Variants in CTNNBIP1 observed in about 807,000 individuals in gnomAD.
CTNNBIP1 encodes catenin beta interacting protein 1, also known as beta-catenin-interacting protein 1.
In CTNNBIP1, 7 loss-of-function variants were observed where a neutral mutation model predicts 11.8. The ratio of observed to expected loss-of-function variants is 0.60; its 90% CI spans 0.34 to 1.12. The LOEUF is 1.12. Ranked by LOEUF, CTNNBIP1 falls within the 50% of genes most tolerant of loss-of-function variation. The pLI is 0.03. For missense variants in CTNNBIP1, 101 were observed against 113.4 expected, an observed-to-expected ratio of 0.89 and a Z score of 0.50; for synonymous variants, 58 against 43.9, an observed-to-expected ratio of 1.32 and a Z score of -1.26.
At chr1:9,906,184 C>G (rs1422385641) in intron 1 of CTNNBIP1, among the ~76,000 whole-genome samples, 1 of 152,210 alleles carries the variant, frequency 6.6e-6, no homozygotes, top group African/African-American at 2.4e-5. Flanking sequence ...AAGTTACCTG[C>G]TGAAGATCAT....
rs1309602863 is a variant in CTNNBIP1, at chr1:9,883,155, C to T, written c.-110+550G>A. Among the ~76,000 whole-genome samples, 1 of 152,140 alleles carries T rather than the reference C, an allele frequency of 6.6e-6. No individual in the cohort carries two copies. Among genetic ancestry groups the T allele is most frequent in the Non-Finnish European group, 1.5e-5 (1 of 68,016 alleles). On this transcript the variant is annotated intron_variant, in intron 2 of 5. Coordinates refer to ENST00000377263, the MANE Select transcript of CTNNBIP1 (RefSeq NM_020248.3). This position sits in a 1 kb window ranked among gnomAD's most constrained non-coding sequence, Gnocchi z 5.6. The stretch of plus-strand genomic sequence containing the variant: ...TAGGTCAGGGACCGGGGGAGCCTCT[C>T]TCTGGAAGGAAGTCCAACCTGCCAA...
chr1:9,888,452 T>A (rs1639230049), intron 1 of CTNNBIP1, among the ~76,000 whole-genome samples: 1 of 151,160 alleles, frequency 6.6e-6, no homozygotes, highest in Non-Finnish European at 1.5e-5. Context: ...GGTGTGAGGC[T>A]GAGGCAGGAG....
At chr1:9,875,569 T>C (rs1402140765) in intron 3 of CTNNBIP1, among the ~76,000 whole-genome samples, 1 of 152,214 alleles carries the variant, frequency 6.6e-6, no homozygotes, top group Non-Finnish European at 1.5e-5. Context: ...GCCTGCGGTG[T>C]CGTCTGCGCC....
chr1:9,889,770 A>G (rs993544200), intron 1 of CTNNBIP1, among the ~76,000 whole-genome samples: 1 of 152,244 alleles, frequency 6.6e-6, no homozygotes, highest in Non-Finnish European at 1.5e-5. Flanking sequence ...GAGACATACT[A>G]AAACAAACCC....
chr1:9,894,475 C>A (rs886331578), intron 1 of CTNNBIP1, among the ~76,000 whole-genome samples: 11 of 152,020 alleles, frequency 7.2e-5, no homozygotes, highest in Admixed American at 2.0e-4. Context: ...CCCCCCTCAG[C>A]CTCCTGAGTA....
Position 9,883,821 on chromosome 1 carries a change from G to C in CTNNBIP1, c.-143-83C>G, listed in dbSNP as rs1207908766. 6.5e-6 allele frequency: 1 copy of C among 153,180 alleles called. No individual in the cohort carries two copies. The highest frequency in any genetic ancestry group is 2.4e-5 in the African/African-American group (1 of 41,460). The allele number at this position is 153,180 out of a possible 1,614,324, so 9.5% of individuals were successfully genotyped here. ...CCCACTTGCTCTGCCTGAGAGCTGT[G>C]CTCAGCCTCAGGTGAGTCTTAACCT... On this transcript the variant is annotated intron_variant, in intron 1 of 5. Transcript: ENST00000377263. The surrounding 1 kb of genome is among the most constrained non-coding windows in gnomAD (Gnocchi z 5.6).
chr1:9,861,298 C>T (rs1436483718), intron 5 of CTNNBIP1, among the ~76,000 whole-genome samples: 1 of 152,228 alleles, frequency 6.6e-6, no homozygotes, highest in African/African-American at 2.4e-5. Context: ...CAAAGGGAAG[C>T]ATTTCTGAAG....
intron 5 of CTNNBIP1, among the ~76,000 whole-genome samples, chr1:9,863,179 C>T (rs1390308167): frequency 2.0e-5 from 3 of 152,198 alleles, no homozygotes; most frequent in Non-Finnish European, 2.9e-5. Flanking sequence ...GCACATTCCT[C>T]GCTTTTCTTG....
At chr1:9,896,199 G>A (rs1570596151) in intron 1 of CTNNBIP1, among the ~76,000 whole-genome samples, 1 of 152,282 alleles carries the variant, frequency 6.6e-6, no homozygotes, top group Non-Finnish European at 1.5e-5. Flanking sequence ...TTGGCCAATT[G>A]TTCCTTAAAC....
At chr1:9,888,950 C>T (rs1046139724) in intron 1 of CTNNBIP1, among the ~76,000 whole-genome samples, 1 of 152,218 alleles carries the variant, frequency 6.6e-6, no homozygotes, top group Non-Finnish European at 1.5e-5. Flanking sequence ...GAATGCAATG[C>T]TGCACCCAGC....
intron 5 of CTNNBIP1, among the ~76,000 whole-genome samples, chr1:9,861,835 G>A (rs1040303771): frequency 1.3e-5 from 2 of 152,226 alleles, no homozygotes; most frequent in Non-Finnish European, 2.9e-5. Flanking sequence ...GTGTATCCCA[G>A]GGGGAAGTCC....
In CTNNBIP1 at chr1:9,908,414, C is replaced by T. The variant is rs556837786; in HGVS notation, c.-144+1681G>A. On this transcript the variant is annotated intron_variant, in intron 1 of 5. Transcript: ENST00000377263. ...TTTGAGACGGAGTCTCGCTCTGTCG[C>T]CCAGACTGGAGTGCAGTGGCGTGAC... Among the ~76,000 whole-genome samples the T allele has an allele frequency of 3.4e-5, 5 of 149,144 alleles. No homozygotes were observed. The East Asian group carries it at 7.8e-4, about 23-fold the overall frequency.
intron 1 of CTNNBIP1, among the ~76,000 whole-genome samples, chr1:9,906,232 G>A (rs1639616961): frequency 6.6e-6 from 1 of 152,150 alleles, no homozygotes; most frequent in African/African-American, 2.4e-5. Flanking sequence ...CAAACCTGAT[G>A]GTCTTGGTAC....
At chr1:9,898,941 A>AT (rs1463573610) in intron 1 of CTNNBIP1, among the ~76,000 whole-genome samples, 1 of 152,196 alleles carries the variant, frequency 6.6e-6, no homozygotes, top group South Asian at 2.1e-4. Context: ...TTCCCTGAAT[A>AT]TTTTTTGAAT....
chr1:9,901,234 T>C (rs186347455), intron 1 of CTNNBIP1, among the ~76,000 whole-genome samples: 108 of 152,342 alleles, frequency 7.1e-4, no homozygotes, highest in African/African-American at 2.2e-3. Context: ...TTAGGATATT[T>C]GGCAAGGGTG....
chr1:9,850,150 G>A lies in CTNNBIP1; in HGVS notation c.*568C>T, dbSNP rs1301578914. On this transcript the variant is annotated 3_prime_UTR_variant, in exon 6 of 6. Coordinates refer to ENST00000377263, the MANE Select transcript of CTNNBIP1 (RefSeq NM_020248.3). ...TTCTTTGTGTAATAAATATTGCAAA[G>A]CGCACTTGGTTTCTTTCTTTTCAAG... The A allele has an allele frequency of 1.3e-5, 2 of 152,740 alleles. No individual in the cohort carries two copies. The highest frequency in any genetic ancestry group is 4.8e-5 in the African/African-American group (2 of 41,444). 9.5% of individuals were successfully genotyped at this position (152,740 alleles called of 1,614,324 possible).
At chr1:9,909,675 TTCAA>T (rs1445228452) in intron 1 of CTNNBIP1, among the ~76,000 whole-genome samples, 7 of 152,024 alleles carry the variant, frequency 4.6e-5, no homozygotes, top group East Asian at 1.9e-4. Flanking sequence ...GAGACGACAG[TTCAA>T]TCAAACTACA....
At chr1:9,864,520 G>A (rs1198790620) in intron 5 of CTNNBIP1, among the ~76,000 whole-genome samples, 1 of 152,196 alleles carries the variant, frequency 6.6e-6, no homozygotes, top group African/African-American at 2.4e-5. Context: ...AGTAGAGACG[G>A]AGTTTCACCA....
At chr1:9,898,759 C>T (rs1027751934) in intron 1 of CTNNBIP1, among the ~76,000 whole-genome samples, 1 of 152,110 alleles carries the variant, frequency 6.6e-6, no homozygotes, top group African/African-American at 2.4e-5. Flanking sequence ...GCTCTAGTCC[C>T]TTATATAAAG....
Sources: gnomAD v4.1 joint callset for allele counts (sites outside exome capture counted in the v4.1 genomes callset) on GRCh38, gnomAD v4.1.1 for gene constraint, Gnocchi (gnomAD v3.1) non-coding constraint, MANE v1.5 for transcripts, NCBI Gene and HGNC (gene_info 2026-07-23, HGNC 2026-07-21) for gene names.